Variants in PARK7 observed in about 807,000 individuals in gnomAD.
PARK7 encodes the protein Parkinson disease protein 7.
A neutral mutation model predicts 20.5 loss-of-function variants in PARK7; 14 were observed. That is an observed-to-expected ratio of 0.68 (90% confidence interval 0.45 to 1.07). PARK7 has a LOEUF of 1.07. Ranked by LOEUF, PARK7 falls within the 50% of genes least tolerant of loss-of-function variation. PARK7 has a pLI of 0.00. For missense variants in PARK7, 234 were observed against 238.1 expected (o/e 0.98, Z 0.11); for synonymous variants, 98 against 84.3 (o/e 1.16, Z -0.89).
chr1:7,975,872 A>C (rs1385771234), intron 5 of PARK7, among the ~76,000 whole-genome samples: 1 of 152,240 alleles, frequency 6.6e-6, no homozygotes, highest in Non-Finnish European at 1.5e-5. Context: ...ATTCAAATAA[A>C]AATTGATAAT....
At chr1:7,973,394 C>A (rs1436930923) in intron 5 of PARK7, among the ~76,000 whole-genome samples, 1 of 152,180 alleles carries the variant, frequency 6.6e-6, no homozygotes, top group South Asian at 2.1e-4. Flanking sequence ...ATTCTTTGAC[C>A]AAAGGAAGAA....
chr1:7,981,380 G>A (rs1640705786), intron 6 of PARK7, among the ~76,000 whole-genome samples: 1 of 152,216 alleles, frequency 6.6e-6, no homozygotes, highest in Non-Finnish European at 1.5e-5. Context: ...GAAGCTCTGA[G>A]AGGTCAGACA....
intron 5 of PARK7, chr1:7,972,050 T>A (rs1640476886): frequency 6.6e-6 from 1 of 152,226 alleles, no homozygotes; most frequent in Non-Finnish European, 1.5e-5. Context: ...TGTTGCTATT[T>A]TGTTCAATAC....
intron 3 of PARK7, among the ~76,000 whole-genome samples, chr1:7,966,280 G>A (rs953210035): frequency 6.6e-6 from 1 of 152,074 alleles, no homozygotes; most frequent in African/African-American, 2.4e-5. Context: ...GCTGTCCTCA[G>A]ATACATAGGA....
rs189955252 is a variant in PARK7, at chr1:7,972,315, A to G, written c.322+1352A>G. Among the ~76,000 whole-genome samples, 7 of 152,134 alleles carry G rather than the reference A, an allele frequency of 4.6e-5. No homozygotes were observed. In the East Asian group the frequency reaches 1.4e-3, roughly 30 times the overall value. ...CCCATCTCAACAAACAAACAAACAAAAAATTAGCCAAGCACAGTACTGCAT... is the reference window on the plus strand; with the variant it reads ...CCCATCTCAACAAACAAACAAACAAGAAATTAGCCAAGCACAGTACTGCAT... On this transcript the variant is annotated intron_variant, in intron 5 of 6. Transcript: ENST00000338639.
At chr1:7,977,418 T>C (rs1026338958) in intron 5 of PARK7, among the ~76,000 whole-genome samples, 5 of 152,236 alleles carry the variant, frequency 3.3e-5, no homozygotes, top group Admixed American at 3.3e-4. Context: ...GTATGTTTGG[T>C]AAGAGCCTCT....
At chr1:7,966,702 C>G (rs754671266) in intron 3 of PARK7, among the ~76,000 whole-genome samples, 1 of 151,966 alleles carries the variant, frequency 6.6e-6, no homozygotes, top group Non-Finnish European at 1.5e-5. Context: ...GGTGACAGAG[C>G]GAGACCCTGT....
intron 5 of PARK7, among the ~76,000 whole-genome samples, chr1:7,975,468 G>A (rs1389289532): frequency 6.6e-6 from 1 of 152,168 alleles, no homozygotes; most frequent in Non-Finnish European, 1.5e-5. Flanking sequence ...GCTGTTGGCT[G>A]CAGAAGGGGA....
Position 7,977,661 on chromosome 1 carries a change from C to G in PARK7, c.332C>G (p.Ala111Gly). Reference protein sequence around the residue: ...LIAAICAGPTALLAHEIGFGS... With the variant: ...LIAAICAGPTGLLAHEIGFGS... ...TTATTTTTATTCTTAGGTCCTACTGCTCTGTTGGCTCATGAAATAGGTTTT... is the reference window on the plus strand; with the variant it reads ...TTATTTTTATTCTTAGGTCCTACTGGTCTGTTGGCTCATGAAATAGGTTTT... Residue 111 changes from alanine (A) to glycine (G), a missense_variant, in exon 6 of 7, where the codon GCT becomes GGT. By Grantham distance (60) the Ala-to-Gly change is moderately conservative. Transcript: ENST00000338639. 6.2e-7 allele frequency: 1 copy of G among 1,613,728 alleles called. No homozygotes were observed.
At chr1:7,963,385 T>TC (rs890165365) in intron 2 of PARK7, among the ~76,000 whole-genome samples, 3 of 146,946 alleles carry the variant, frequency 2.0e-5, no homozygotes, top group Non-Finnish European at 4.4e-5. Flanking sequence ...TCTTTTTTCT[T>TC]CTTTTTTTTT....
chr1:7,979,408 A>G (rs541087777), intron 6 of PARK7, among the ~76,000 whole-genome samples: 25 of 152,118 alleles, frequency 1.6e-4, no homozygotes, highest in Non-Finnish European at 3.7e-4. Flanking sequence ...CAGAGTCCAC[A>G]GTTTACATGA....
At position 7,978,644 on chromosome 1, in the gene PARK7, A is replaced by T. The variant is rs1578102674; in HGVS notation, c.409+906A>T. On this transcript the variant is annotated intron_variant, in intron 6 of 6. Coordinates refer to ENST00000338639, the MANE Select transcript of PARK7 (RefSeq NM_007262.5). ...GGATCGCTTGAGCCCCGAGTTCGAG[A>T]CCAGCCTGGGCAACATGGTTAAACT... is the stretch of plus-strand genomic sequence containing the variant. Among the ~76,000 whole-genome samples, 3 of 151,858 alleles carry T rather than the reference A, an allele frequency of 2.0e-5. No homozygotes were observed. In the East Asian group the frequency reaches 5.8e-4, roughly 29 times the overall value.
At chr1:7,962,724 G>A in intron 1 of PARK7, 39 bp from the exon 2 acceptor site, 1 of 1,390,498 alleles carries the variant, frequency 7.2e-7, no homozygotes, top group South Asian at 1.3e-5. Flanking sequence ...GGGTTGCAAT[G>A]AAAGTTTTTT....
chr1:7,972,621 T>G (rs1379686362), intron 5 of PARK7, among the ~76,000 whole-genome samples: 1 of 151,976 alleles, frequency 6.6e-6, no homozygotes, highest in African/African-American at 2.4e-5. Flanking sequence ...TAAAAGTAAT[T>G]GGCGTGGCAC....
At chr1:7,969,114 G>T in intron 3 of PARK7, 1 of 501,528 alleles carries the variant, frequency 2.0e-6, no homozygotes, top group South Asian at 2.5e-5. Context: ...CTGCTACTCT[G>T]CAGCGTGGAC....
At position 7,984,884 on chromosome 1, in the gene PARK7, T is replaced by C. The variant is rs756054326; in HGVS notation, c.410-10T>C. Reference sequence around the variant, plus strand: ...ATTAGGATGTCACCTTTTCTGTTTCTACTTTGCAGGTCATTACACCTACTC... The same window carrying C: ...ATTAGGATGTCACCTTTTCTGTTTCCACTTTGCAGGTCATTACACCTACTC... On this transcript the variant is annotated splice_polypyrimidine_tract_variant and intron_variant, in intron 6 of 6. Transcript: ENST00000338639. The surrounding 1 kb of genome is among the most constrained non-coding windows in gnomAD (Gnocchi z 4.3). 5.6e-6 allele frequency: 9 copies of C among 1,614,112 alleles called. No homozygotes were observed. Among genetic ancestry groups the C allele is most frequent in the Non-Finnish European group, 7.6e-6 (9 of 1,179,954 alleles).
intron 5 of PARK7, among the ~76,000 whole-genome samples, chr1:7,972,550 G>A (rs557932964): frequency 6.6e-6 from 1 of 152,236 alleles, no homozygotes; most frequent in South Asian, 2.1e-4. Flanking sequence ...ATTTATTATT[G>A]TGTTTTAAAA....
chr1:7,985,033 T>C lies in PARK7; in HGVS notation c.549T>C (p.Ala183=), dbSNP rs767393780. The change falls in exon 7 of 7, where the codon GCT becomes GCC. Residue 183 remains alanine, a synonymous_variant. Transcript: ENST00000338639. ...AGGAGGTGGCGGCTCAAGTGAAGGC[T>C]CCACTTGTTCTTAAAGACTAGAGCA... ...NGKEVAAQVK[A]PLVLKD 3 of 1,614,190 alleles carry C rather than the reference T, an allele frequency of 1.9e-6. No homozygotes were observed. Among genetic ancestry groups the C allele is most frequent in the Non-Finnish European group, 2.5e-6 (3 of 1,180,044 alleles).
chr1:7,962,993 A>G, intron 2 of PARK7, 118 bp downstream of exon 2: 1 of 842,772 alleles, frequency 1.2e-6, no homozygotes, highest in Non-Finnish European at 2.0e-6. Context: ...ACAAAATTTC[A>G]GAGATGACAT....
Sources: allele counts gnomAD v4.1 joint callset (sites outside exome capture counted in the v4.1 genomes callset), GRCh38; gene constraint gnomAD v4.1.1; non-coding constraint Gnocchi (gnomAD v3.1); transcripts MANE v1.5; gene names NCBI Gene and HGNC (gene_info 2026-07-23, HGNC 2026-07-21).